Variants in ITM2C observed in about 807,000 individuals in gnomAD.
ITM2C encodes the protein integral membrane protein 2C.
ITM2C carries 20 observed loss-of-function variants against 30.0 expected under a neutral mutation model. The ratio of observed to expected loss-of-function variants is 0.67; its 90% CI spans 0.47 to 0.97. The LOEUF (loss-of-function observed/expected upper bound fraction) is 0.97. Among genes scored for constraint, ITM2C ranks in the 50% least tolerant of loss-of-function variants. The pLI, the probability that ITM2C is intolerant of heterozygous loss-of-function variation, is 0.00. For missense variants in ITM2C, 366 were observed against 371.9 expected (o/e 0.98, Z 0.13); for synonymous variants, 167 against 156.4 (o/e 1.07, Z -0.51).
Position 230,865,980 on chromosome 2 carries a change from C to T in ITM2C, c.120+835C>T, listed in dbSNP as rs1175901680. ...GTTCCCCCACCCCTGTCATCCCCCT[C>T]CCCTACCCCGGCTTCCTCCACTTTC... On this transcript the variant is annotated intron_variant, in intron 1 of 5. Coordinates refer to ENST00000326427, the MANE Select transcript of ITM2C (RefSeq NM_030926.6). The surrounding 1 kb of genome is among the most constrained non-coding windows in gnomAD (Gnocchi z 6.8). 2.0e-5 allele frequency among the ~76,000 whole-genome samples: 3 copies of T among 152,250 alleles called. No individual in the cohort carries two copies. Among genetic ancestry groups the T allele is most frequent in the East Asian group, 1.9e-4 (1 of 5,188 alleles).
At chr2:230,873,599 G>T in intron 2 of ITM2C, 42 bp downstream of exon 2, 2 of 1,568,676 alleles carry the variant, frequency 1.3e-6, no homozygotes, top group Non-Finnish European at 1.7e-6. Context: ...TCGAGAAAGG[G>T]TCATGTCTAG....
intron 3 of ITM2C, among the ~76,000 whole-genome samples, chr2:230,876,629 C>T (rs989586467): frequency 1.3e-5 from 2 of 152,168 alleles, no homozygotes; most frequent in Non-Finnish European, 2.9e-5. Flanking sequence ...CTACAGGTGC[C>T]CACCACCACG....
chr2:230,867,016 T>G (rs894091131), intron 1 of ITM2C, among the ~76,000 whole-genome samples: 2 of 152,172 alleles, frequency 1.3e-5, no homozygotes, highest in African/African-American at 4.8e-5. Context: ...TGAGCGTCCT[T>G]TCTTCCCCCT....
chr2:230,872,546 T>G (rs919370251), intron 1 of ITM2C, among the ~76,000 whole-genome samples: 1 of 152,210 alleles, frequency 6.6e-6, no homozygotes, highest in African/African-American at 2.4e-5. Context: ...TTGAGCCCAA[T>G]TCTGGCTCCC....
At chr2:230,866,603 C>G (rs559103115) in intron 1 of ITM2C, among the ~76,000 whole-genome samples, 3 of 151,980 alleles carry the variant, frequency 2.0e-5, no homozygotes, top group African/African-American at 7.3e-5. Flanking sequence ...GCAGCTCCCC[C>G]CTTTTCATCT....
chr2:230,873,378 G>C (rs773931003), intron 1 of ITM2C, 39 bp from the exon 2 acceptor site: 1 of 1,475,014 alleles, frequency 6.8e-7, no homozygotes, highest in South Asian at 1.5e-5. Context: ...TCCAGGGGAG[G>C]GGCCCTGGCC....
rs535046070 is a variant in ITM2C, at chr2:230,875,568, G to A, written c.262-52G>A. On this transcript the variant is annotated intron_variant, in intron 2 of 5. Coordinates refer to ENST00000326427, the MANE Select transcript of ITM2C (RefSeq NM_030926.6). ...TAGGCAAGAGGGGGCCTTACGGAGT[G>A]CGTGTATGACCAGCCTCTCTGACTG... 150 of 1,507,054 alleles carry A rather than the reference G, an allele frequency of 1.0e-4. 2 individuals are homozygous for A. In the East Asian group the frequency reaches 3.0e-3, roughly 30 times the overall value. The allele number at this position is 1,507,054 out of a possible 1,614,324, so 93.4% of individuals were successfully genotyped here.
At position 230,877,357 on chromosome 2, in the gene ITM2C, G is replaced by A. The variant is rs750925684; in HGVS notation, c.562-43G>A. ...ATTTCGGGCGAGGGGTTGGACGAAA[G>A]CCTGAGGGGCCGACTCACTGTGGCG... On this transcript the variant is annotated intron_variant, in intron 4 of 5. Transcript: ENST00000326427. This position sits in a 1 kb window ranked among gnomAD's most constrained non-coding sequence, Gnocchi z 4.8. 5 of 1,605,388 alleles carry A rather than the reference G, an allele frequency of 3.1e-6. No homozygotes were observed. The highest frequency in any genetic ancestry group is 3.4e-6 in the Non-Finnish European group (4 of 1,174,526).
upstream of ITM2C, chr2:230,864,897 G>A: frequency 2.7e-6 from 3 of 1,121,202 alleles, no homozygotes; most frequent in Non-Finnish European, 3.4e-6. This position sits in a 1 kb window ranked among gnomAD's most constrained non-coding sequence, Gnocchi z 4.3. Flanking sequence ...GAGGGCTGGG[G>A]GTGGGGTTAG....
intron 1 of ITM2C, among the ~76,000 whole-genome samples, chr2:230,866,786 C>G (rs2125013140): frequency 6.6e-6 from 1 of 152,286 alleles, no homozygotes; most frequent in African/African-American, 2.4e-5. Context: ...ATCTCTTTTC[C>G]TAGCCACCTC....
At chr2:230,867,251 C>T (rs1308148280) in intron 1 of ITM2C, among the ~76,000 whole-genome samples, 1 of 152,208 alleles carries the variant, frequency 6.6e-6, no homozygotes, top group East Asian at 1.9e-4. Context: ...CTTCCCAAGG[C>T]CCTGGCGTGG....
intron 1 of ITM2C, 151 bp from the exon 2 acceptor site, chr2:230,873,266 C>T: frequency 1.5e-6 from 1 of 660,650 alleles, no homozygotes; most frequent in Non-Finnish European, 2.3e-6. Context: ...CCCTGGTGGG[C>T]CTTCCTTTCC....
At position 230,865,110 on chromosome 2, in the gene ITM2C, G is replaced by A. The variant is rs758671732; in HGVS notation, c.85G>A (p.Ala29Thr). 3.0e-5 allele frequency: 46 copies of A among 1,510,518 alleles called. No individual in the cohort carries two copies. Among genetic ancestry groups the A allele is most frequent in the Non-Finnish European group, 4.1e-5 (46 of 1,124,390 alleles). The allele number at this position is 1,510,518 out of a possible 1,614,324, so 93.6% of individuals were successfully genotyped here. The stretch of plus-strand genomic sequence containing the variant: ...GGCGTCGGCGTCGGCCCCTGCGCCG[G>A]CCTCGGCCACCGAGATCCTGCTGAC... Reference protein sequence around the residue: ...DKASASAPAPASATEILLTPA... With the variant: ...DKASASAPAPTSATEILLTPA... Residue 29 changes from alanine (A) to threonine (T), a missense_variant, in exon 1 of 6, where the codon GCC becomes ACC. Ala to Thr is a moderately conservative substitution (Grantham distance 58). Coordinates refer to ENST00000326427, the MANE Select transcript of ITM2C (RefSeq NM_030926.6). This position sits in a 1 kb window ranked among gnomAD's most constrained non-coding sequence, Gnocchi z 6.8.
Position 230,876,972 on chromosome 2 carries a change from G to C in ITM2C, c.561+5G>C. 6.3e-7 allele frequency: 1 copy of C among 1,590,532 alleles called. No homozygotes were observed. Among genetic ancestry groups the C allele is most frequent in the South Asian group, 1.1e-5 (1 of 90,602 alleles). ...GAGCTCCTCATGAACGTGAAGGTGCGCAGGGGGTTGGGGGGATGTCTGCAG... is the reference window on the plus strand; with the variant it reads ...GAGCTCCTCATGAACGTGAAGGTGCCCAGGGGGTTGGGGGGATGTCTGCAG... On this transcript the variant is annotated splice_donor_5th_base_variant and intron_variant, in intron 4 of 5. Transcript: ENST00000326427.
intron 1 of ITM2C, among the ~76,000 whole-genome samples, chr2:230,866,360 G>A (rs942643268): frequency 6.6e-6 from 1 of 152,212 alleles, no homozygotes; most frequent in Non-Finnish European, 1.5e-5. Context: ...GTTCAGTCTT[G>A]CCTGGGGCAT....
chr2:230,868,579 T>C (rs1697089707), intron 1 of ITM2C, among the ~76,000 whole-genome samples: 1 of 148,814 alleles, frequency 6.7e-6, no homozygotes, highest in African/African-American at 2.4e-5. Context: ...AATCATCTTC[T>C]TACCTCTGTA....
intron 3 of ITM2C, 27 bp downstream of exon 3, chr2:230,875,835 G>T: frequency 2.5e-6 from 1 of 395,786 alleles, no homozygotes; most frequent in Non-Finnish European, 5.0e-6. Flanking sequence ...CCTGGGGGTG[G>T]GGGGTGGGAG....
intron 1 of ITM2C, among the ~76,000 whole-genome samples, chr2:230,871,153 G>A (rs1697155684): frequency 6.6e-6 from 1 of 152,252 alleles, no homozygotes; most frequent in Non-Finnish European, 1.5e-5. Context: ...CCCGAGAAGG[G>A]GGAGGTTGCA....
intron 1 of ITM2C, among the ~76,000 whole-genome samples, chr2:230,868,356 ACTCC>A (rs888121944): frequency 6.7e-6 from 1 of 150,216 alleles, no homozygotes; most frequent in African/African-American, 2.5e-5. Flanking sequence ...ACAGCAAAGC[ACTCC>A]CTCCCAGCGC....
Sources: gnomAD v4.1 joint callset for allele counts (sites outside exome capture counted in the v4.1 genomes callset) on GRCh38, gnomAD v4.1.1 for gene constraint, Gnocchi (gnomAD v3.1) non-coding constraint, MANE v1.5 for transcripts, NCBI Gene and HGNC (gene_info 2026-07-23, HGNC 2026-07-21) for gene names.